Variants in CACNA1I observed in about 807,000 individuals in gnomAD.
The protein encoded by CACNA1I is voltage-dependent T-type calcium channel subunit alpha-1I.
CACNA1I carries 74 observed loss-of-function variants against 201.6 expected under a neutral mutation model. The observed-to-expected ratio is 0.37, with a 90% CI of 0.30 to 0.45. CACNA1I has a LOEUF of 0.45. CACNA1I is among the 20% of genes least tolerant of loss of function. The pLI is 1.00. For missense variants in CACNA1I, 2,346 were observed against 3,138.1 expected (o/e 0.75, Z 6.03); for synonymous variants, 1,431 against 1,345.2 (o/e 1.06, Z -1.40).
At chr22:39,622,309 C>A (rs906349424) in intron 4 of CACNA1I, among the ~76,000 whole-genome samples, 13 of 127,972 alleles carry the variant, frequency 1.0e-4, no homozygotes, top group Middle Eastern at 7.8e-3. Flanking sequence ...GGCTGGGGGT[C>A]GGGAGGCCTC....
chr22:39,662,783 G>A lies in CACNA1I; in HGVS notation c.3380G>A (p.Cys1127Tyr), dbSNP rs1238095305. ...CCGTCCTCCTCTTGCTAGACCCTGT[G>A]CTTCCGCGTCCGCAAGATGATCGAC... is the stretch of plus-strand genomic sequence containing the variant. ...EDEEEIDYTL[C>Y]FRVRKMIDVY... The change falls in exon 18 of 37, where the codon TGC (cysteine) becomes TAC (tyrosine). Residue 1127 changes from cysteine (C) to tyrosine (Y), a missense_variant. Cys to Tyr is a radical substitution (Grantham distance 194). Around this residue, in one of 13 missense-constraint regions of CACNA1I, gnomAD observed 158 missense variants for 231.6 expected, o/e 0.68. Coordinates refer to ENST00000402142, the MANE Select transcript of CACNA1I (RefSeq NM_021096.4). The A allele has an allele frequency of 5.1e-6, 8 of 1,583,926 alleles. No homozygotes were observed. Among genetic ancestry groups the A allele is most frequent in the Admixed American group, 1.8e-5 (1 of 57,138 alleles).
chr22:39,681,331 C>G (rs9623042), intron 34 of CACNA1I, among the ~76,000 whole-genome samples: 1 of 152,186 alleles, frequency 6.6e-6, no homozygotes, highest in Admixed American at 6.5e-5. Flanking sequence ...GTCCATTCCA[C>G]GGGGGGTCAT....
chr22:39,619,093 C>T (rs1933649084), intron 3 of CACNA1I, among the ~76,000 whole-genome samples: 1 of 152,176 alleles, frequency 6.6e-6, no homozygotes, highest in African/African-American at 2.4e-5. Flanking sequence ...GCTCTAAGCC[C>T]TTGCCCACAT....
Position 39,686,074 on chromosome 22 carries a change from C to T in CACNA1I, c.6341C>T (p.Ala2114Val). The stretch of plus-strand genomic sequence containing the variant: ...TCGGACGAGGAGGGCCGCGGTGGCG[C>T]GGGCGGCGGGGGCGCGGGCAGCGAG... The part of the protein sequence containing the change: ...DPSDEEGRGG[A>V]GGGGAGSEHS... The change falls in exon 37 of 37, where the codon GCG (alanine) becomes GTG (valine). Residue 2114 changes from alanine (A) to valine (V), a missense_variant. Ala to Val is a moderately conservative substitution (Grantham distance 64). Around this residue, in one of 13 missense-constraint regions of CACNA1I, gnomAD observed 441 missense variants for 555.6 expected, o/e 0.79. Transcript: ENST00000402142. 8.1e-7 allele frequency: 1 copy of T among 1,227,340 alleles called. No homozygotes were observed. 76.0% of individuals were successfully genotyped at this position (1,227,340 alleles called of 1,614,324 possible). A position where few individuals can be genotyped will look rare whatever the true frequency, so the allele number is the denominator to read the frequency against.
At chr22:39,586,861 G>A (rs1024319244) in intron 1 of CACNA1I, among the ~76,000 whole-genome samples, 4 of 152,152 alleles carry the variant, frequency 2.6e-5, no homozygotes, top group Non-Finnish European at 4.4e-5. Context: ...TCAGAGGCAC[G>A]GTGAGGTCCC....
At chr22:39,614,777 C>T (rs1290688901) in intron 3 of CACNA1I, among the ~76,000 whole-genome samples, 1 of 152,200 alleles carries the variant, frequency 6.6e-6, no homozygotes, top group Non-Finnish European at 1.5e-5. Flanking sequence ...GTCCACCCTC[C>T]CTGCCCTCCT....
intron 4 of CACNA1I, among the ~76,000 whole-genome samples, chr22:39,625,596 G>T (rs546347000): frequency 3.3e-5 from 5 of 152,186 alleles, no homozygotes; most frequent in Non-Finnish European, 5.9e-5. Flanking sequence ...GCTGCTTACA[G>T]AATCGTATAA....
At chr22:39,577,225 G>A (rs1307866041) in intron 1 of CACNA1I, among the ~76,000 whole-genome samples, 2 of 152,128 alleles carry the variant, frequency 1.3e-5, no homozygotes, top group African/African-American at 2.4e-5. Flanking sequence ...AATAAGAGAC[G>A]GGGTTTCACC....
rs1322437756 is a variant in CACNA1I, at chr22:39,652,362, G to A, written c.1992+2437G>A. 5.9e-5 allele frequency among the ~76,000 whole-genome samples: 9 copies of A among 152,296 alleles called. No homozygotes were observed. The South Asian group carries it at 1.9e-3, about 32-fold the overall frequency. On this transcript the variant is annotated intron_variant, in intron 10 of 36. Transcript: ENST00000402142. ...CCTGACCAGGCTAAGAGATGAGAGA[G>A]GCTGTTCCCACTGTGCGTCTCCTGC...
intron 34 of CACNA1I, among the ~76,000 whole-genome samples, chr22:39,682,246 G>T (rs1197928580): frequency 6.6e-6 from 1 of 152,208 alleles, no homozygotes; most frequent in Non-Finnish European, 1.5e-5. Flanking sequence ...GCCTTGACCT[G>T]GCTTCTTCGC....
chr22:39,665,444 T>TGAGTAGG lies in CACNA1I; in HGVS notation c.3852-53_3852-52insAGTAGGG. ...TGGTGACTCTGGGCTGAGTAGGGGC[T>TGAGTAGG]GCCTCCTGGCCTGGCCAAGGGATTA... On this transcript the variant is annotated intron_variant, in intron 21 of 36. Coordinates refer to ENST00000402142, the MANE Select transcript of CACNA1I (RefSeq NM_021096.4). This position sits in a 1 kb window ranked among gnomAD's most constrained non-coding sequence, Gnocchi z 5.5. 1 of 1,603,590 alleles carries TGAGTAGG rather than the reference T, an allele frequency of 6.2e-7. No individual in the cohort carries two copies. The highest frequency in any genetic ancestry group is 8.5e-7 in the Non-Finnish European group (1 of 1,174,658).
chr22:39,680,926 G>A lies in CACNA1I; in HGVS notation c.5542-4G>A. The A allele has an allele frequency of 6.2e-7, 1 of 1,607,940 alleles. No individual in the cohort carries two copies. Among genetic ancestry groups the A allele is most frequent in the Non-Finnish European group, 8.5e-7 (1 of 1,178,208 alleles). Reference sequence around the variant, plus strand: ...TGACCCGAGGCCACCCCCTCTTCCTGCAGGTGCAGCTGGCTGAGACGGAGG... The same window carrying A: ...TGACCCGAGGCCACCCCCTCTTCCTACAGGTGCAGCTGGCTGAGACGGAGG... On this transcript the variant is annotated splice_polypyrimidine_tract_variant and splice_region_variant and intron_variant, in intron 33 of 36. Coordinates refer to ENST00000402142, the MANE Select transcript of CACNA1I (RefSeq NM_021096.4).
At chr22:39,640,592 G>C (rs1019823216) in intron 5 of CACNA1I, among the ~76,000 whole-genome samples, 1 of 152,056 alleles carries the variant, frequency 6.6e-6, no homozygotes, top group Admixed American at 6.6e-5. Flanking sequence ...CCAGACTCCC[G>C]AGGGAGTTGA....
At chr22:39,600,480 C>A in intron 2 of CACNA1I, 40 bp from the exon 3 acceptor site, 1 of 1,583,038 alleles carries the variant, frequency 6.3e-7, no homozygotes, top group African/African-American at 1.3e-5. Flanking sequence ...TGCTCTGCAA[C>A]CTCACCCTGT....
At chr22:39,595,483 G>A (rs1932871402) in intron 1 of CACNA1I, among the ~76,000 whole-genome samples, 1 of 151,874 alleles carries the variant, frequency 6.6e-6, no homozygotes, top group South Asian at 2.1e-4. Flanking sequence ...AAATTAGCCG[G>A]GCATAGTGGC....
rs77025400 is a variant in CACNA1I at position 39,665,746 on chromosome 22, C to A, written c.3978+122C>A. ...GCGCCTTGCCAGCTGTGGGCTTCTC[C>A]TCCAGGGAGGGAGACAGACATGGGC... On this transcript the variant is annotated intron_variant, in intron 22 of 36. Transcript: ENST00000402142. The surrounding 1 kb of genome is among the most constrained non-coding windows in gnomAD (Gnocchi z 5.5). 1.9e-6 allele frequency: 3 copies of A among 1,542,110 alleles called. No homozygotes were observed. Among genetic ancestry groups the A allele is most frequent in the Non-Finnish European group, 2.7e-6 (3 of 1,128,684 alleles).
chr22:39,591,030 T>C (rs1044938140), intron 1 of CACNA1I, among the ~76,000 whole-genome samples: 2 of 151,850 alleles, frequency 1.3e-5, no homozygotes, highest in Non-Finnish European at 1.5e-5. Flanking sequence ...TTTTTTTTTT[T>C]TTTGCAGATA....
chr22:39,607,236 T>G (rs561172156), intron 3 of CACNA1I, among the ~76,000 whole-genome samples: 1 of 152,350 alleles, frequency 6.6e-6, no homozygotes, highest in East Asian at 1.9e-4. Flanking sequence ...GTGTGGAGAA[T>G]GGAACAGCTG....
intron 3 of CACNA1I, among the ~76,000 whole-genome samples, chr22:39,604,326 T>G (rs1313770054): frequency 1.3e-5 from 2 of 152,118 alleles, no homozygotes; most frequent in Non-Finnish European, 2.9e-5. Flanking sequence ...GCTCTCAGTT[T>G]GACATTTTCT....
Sources: gnomAD v4.1 joint callset for allele counts (sites outside exome capture counted in the v4.1 genomes callset) on GRCh38, gnomAD v4.1.1 for gene constraint, gnomAD v4.1.1 regional missense constraint, Gnocchi (gnomAD v3.1) non-coding constraint, MANE v1.5 for transcripts, NCBI Gene and HGNC (gene_info 2026-07-23, HGNC 2026-07-21) for gene names.